CELF1: variants seen among roughly 807,000 people sequenced by gnomAD.
The protein encoded by CELF1 is 50 kDa nuclear polyadenylated RNA-binding protein.
Under a neutral mutation model 61.8 loss-of-function variants are expected in CELF1, and 10 were observed. The ratio of observed to expected loss-of-function variants is 0.16; its 90% confidence interval spans 0.10 to 0.27. The LOEUF (loss-of-function observed/expected upper bound fraction) is 0.27. CELF1 is among the 10% of genes least tolerant of loss of function. The pLI is 1.00. For synonymous variants in CELF1, 236 were observed against 225.1 expected, an observed-to-expected ratio of 1.05 and a Z score of -0.43; for missense variants, 380 against 639.1, an observed-to-expected ratio of 0.59 and a Z score of 4.37.
chr11:47,470,109 T>C lies in CELF1; in HGVS notation c.*2121A>G, dbSNP rs1192405490. On this transcript the variant is annotated 3_prime_UTR_variant, in exon 15 of 15. Coordinates refer to ENST00000687097, the MANE Select transcript of CELF1 (RefSeq NM_001376376.1). ...TTTCAATCATACACAGCACCCTGTG[T>C]GTATAACAATCACATTCTGGATTCT... 6.6e-6 allele frequency: 1 copy of C among 152,148 alleles called. No homozygotes were observed. Among genetic ancestry groups the C allele is most frequent in the Non-Finnish European group, 1.5e-5 (1 of 68,024 alleles). 9.4% of individuals were successfully genotyped at this position (152,148 alleles called of 1,614,324 possible).
At chr11:47,534,545 T>C (rs2096581277) in intron 1 of CELF1, among the ~76,000 whole-genome samples, 2 of 151,372 alleles carry the variant, frequency 1.3e-5, no homozygotes, top group African/African-American at 4.9e-5. Flanking sequence ...GCTAACATGG[T>C]GAAACCCTGT....
intron 3 of CELF1, among the ~76,000 whole-genome samples, chr11:47,497,618 T>C (rs2093352720): frequency 6.6e-6 from 1 of 152,164 alleles, no homozygotes; most frequent in South Asian, 2.1e-4. Flanking sequence ...GCAAACGTAC[T>C]TGGAAAAAAT....
chr11:47,558,294 G>A (rs980084498), intron 2 of CELF1, among the ~76,000 whole-genome samples: 2 of 151,344 alleles, frequency 1.3e-5, no homozygotes, highest in Non-Finnish European at 2.9e-5. Context: ...AGTGGTTGAG[G>A]TGGCCCGAGC....
intron 1 of CELF1, among the ~76,000 whole-genome samples, chr11:47,503,177 A>G (rs939170955): frequency 6.6e-6 from 1 of 152,264 alleles, no homozygotes; most frequent in Admixed American, 6.5e-5. Context: ...AAAAACACTC[A>G]AAAGAACAGC....
chr11:47,476,299 A>G (rs2080108840), intron 12 of CELF1, among the ~76,000 whole-genome samples: 1 of 152,090 alleles, frequency 6.6e-6, no homozygotes, highest in Non-Finnish European at 1.5e-5. Flanking sequence ...GCCTCATTTA[A>G]TTTTTAACAA....
chr11:47,558,327 T>A (rs2097212015), intron 2 of CELF1, among the ~76,000 whole-genome samples: 1 of 150,536 alleles, frequency 6.6e-6, no homozygotes, highest in Admixed American at 6.8e-5. Flanking sequence ...TGGTCAAATT[T>A]CCTATGAGTG....
At chr11:47,488,808 T>C in intron 4 of CELF1, 29 bp downstream of exon 4, 1 of 1,405,410 alleles carries the variant, frequency 7.1e-7, no homozygotes, top group Non-Finnish European at 9.3e-7. Flanking sequence ...GTGGAAAAAA[T>C]AAGATAAACC....
chr11:47,502,850 C>T (rs1270564610), intron 1 of CELF1, among the ~76,000 whole-genome samples: 4 of 151,952 alleles, frequency 2.6e-5, no homozygotes, highest in African/African-American at 9.7e-5. Context: ...ATCAGATAGA[C>T]ATTCCAGGCT....
chr11:47,475,546 A>C, intron 12 of CELF1, 25 bp from the exon 13 acceptor site: 3 of 1,610,532 alleles, frequency 1.9e-6, no homozygotes, highest in Non-Finnish European at 2.5e-6. Context: ...GAGAAGGATT[A>C]ATATACTAGA....
intron 2 of CELF1, among the ~76,000 whole-genome samples, chr11:47,558,441 A>T (rs995245690): frequency 6.1e-5 from 8 of 130,792 alleles, no homozygotes; most frequent in African/African-American, 9.1e-5. Context: ...TATATATATT[A>T]TATATATATA....
chr11:47,481,275 C>T (rs2083108393), intron 9 of CELF1, among the ~76,000 whole-genome samples: 2 of 151,702 alleles, frequency 1.3e-5, no homozygotes, highest in South Asian at 4.2e-4. Context: ...TTACAGGCAC[C>T]TGCCACCACA....
chr11:47,476,837 G>A lies in CELF1; in HGVS notation c.1087+9C>T, dbSNP rs1284825239. ...AATAGTCTGATGACAGCCAGGTGCT[G>A]CCCCTTACCTGCCAAAGAGCCAACA... On this transcript the variant is annotated intron_variant, in intron 12 of 14. Transcript: ENST00000687097. 6.2e-7 allele frequency: 1 copy of A among 1,604,666 alleles called. No individual in the cohort carries two copies.
At chr11:47,502,392 AAG>A (rs1415920287) in intron 1 of CELF1, among the ~76,000 whole-genome samples, 4 of 152,326 alleles carry the variant, frequency 2.6e-5, no homozygotes, top group African/African-American at 9.6e-5. Flanking sequence ...CAATTTTAGA[AAG>A]AGGTTATGAA....
chr11:47,502,689 G>C (rs2094064174), intron 1 of CELF1, among the ~76,000 whole-genome samples: 1 of 152,136 alleles, frequency 6.6e-6, no homozygotes, highest in South Asian at 2.1e-4. Flanking sequence ...AAAATTAGCT[G>C]GGCGTGGTGG....
At chr11:47,532,041 T>TA (rs1565894613) in intron 1 of CELF1, among the ~76,000 whole-genome samples, 3 of 152,046 alleles carry the variant, frequency 2.0e-5, no homozygotes, top group Non-Finnish European at 4.4e-5. Context: ...TTTTATTTTT[T>TA]TTTTTTTGAG....
Position 47,513,462 on chromosome 11 carries a change from CTCT to C in CELF1, c.-153-12533_-153-12531del, listed in dbSNP as rs869255044. 101 of 93,500 alleles carry C rather than the reference CTCT, an allele frequency of 1.1e-3. 2 individuals are homozygous for C. Among genetic ancestry groups the C allele is most frequent in the Non-Finnish European group, 2.1e-3 (69 of 33,586 alleles). 5.8% of individuals were successfully genotyped at this position (93,500 alleles called of 1,614,324 possible). On this transcript the variant is annotated intron_variant, in intron 1 of 14. Transcript: ENST00000687097. ...AAAAGCAACATGTGGGCAGCACCCCCTCTTTTTTTTTTTTTGAGACAGAGTCTC... is the reference window on the plus strand; with the variant it reads ...AAAAGCAACATGTGGGCAGCACCCCCTTTTTTTTTTTTGAGACAGAGTCTC...
At chr11:47,526,956 CAGG>C (rs1197186783) in intron 1 of CELF1, among the ~76,000 whole-genome samples, 1 of 151,616 alleles carries the variant, frequency 6.6e-6, no homozygotes, top group Non-Finnish European at 1.5e-5. Flanking sequence ...GAGGCTGAGG[CAGG>C]AGAATCACTT....
intron 1 of CELF1, among the ~76,000 whole-genome samples, chr11:47,539,470 T>C (rs1445062640): frequency 3.3e-5 from 5 of 152,074 alleles, no homozygotes; most frequent in Non-Finnish European, 5.9e-5. Context: ...ACGGCTAACA[T>C]GGTGAAACCC....
At chr11:47,519,521 AAAT>A (rs1401273801) in intron 1 of CELF1, among the ~76,000 whole-genome samples, 2 of 134,022 alleles carry the variant, frequency 1.5e-5, no homozygotes, top group African/African-American at 5.1e-5. Context: ...ATAAATAAAT[AAAT>A]AAGGTACTTC....
Sources: gnomAD v4.1 joint callset for allele counts (sites outside exome capture counted in the v4.1 genomes callset) on GRCh38, gnomAD v4.1.1 for gene constraint, MANE v1.5 for transcripts, NCBI Gene and HGNC (gene_info 2026-07-23, HGNC 2026-07-21) for gene names.